S100A2: variants seen among roughly 807,000 people sequenced by gnomAD.
S100A2 encodes the protein protein S100-A2.
Under a neutral mutation model 4.3 loss-of-function variants are expected in S100A2, and 5 were observed. The ratio of observed to expected loss-of-function variants is 1.16; its 90% CI spans 0.61 to 2.44. The LOEUF is 2.44. S100A2 is among the 30% of genes most tolerant of loss of function. The pLI is 0.01. For missense variants in S100A2, 103 were observed against 114.7 expected (o/e 0.90, Z 0.47); for synonymous variants, 44 against 46.0 (o/e 0.96, Z 0.17).
chr1:153,565,355 G>A (rs1364379291), intron 1 of S100A2, among the ~76,000 whole-genome samples, 151 bp downstream of exon 1: 1 of 147,850 alleles, frequency 6.8e-6, no homozygotes, highest in Non-Finnish European at 1.5e-5. Flanking sequence ...CAACACTTCA[G>A]CACTTCACAG....
chr1:153,561,552 T>C lies in S100A2; in HGVS notation c.184A>G (p.Ser62Gly). The change falls in exon 3 of 3, where the codon AGC becomes GGC. Residue 62 changes from serine (S) to glycine (G), a missense_variant. By Grantham distance (56) the Ser-to-Gly change is moderately conservative. Transcript: ENST00000368708. ...DEEGLKKLMG[S>G]LDENSDQQVD... ...TGCTGGTCACTGTTCTCATCCAGGC[T>C]GCCCATCAGCTTCTTCAGCCCCTCC... is the stretch of plus-strand genomic sequence containing the variant. 11 of 1,614,178 alleles carry C rather than the reference T, an allele frequency of 6.8e-6. No homozygotes were observed. Among genetic ancestry groups the C allele is most frequent in the Non-Finnish European group, 9.3e-6 (11 of 1,180,030 alleles).
Position 153,563,538 on chromosome 1 carries a change from T to C in S100A2, c.144+196A>G, listed in dbSNP as rs112282443. ...CACAGCACATGGTTCTCTGGAATGC[T>C]GCAGGAAACAGCCATTAATTAAGCA... On this transcript the variant is annotated intron_variant, in intron 2 of 2. Transcript: ENST00000368708. 4.3e-5 allele frequency: 67 copies of C among 1,551,180 alleles called. No homozygotes were observed. In the African/African-American group the frequency reaches 7.5e-4, roughly 17 times the overall value.
At position 153,561,237 on chromosome 1, in the gene S100A2, C is replaced by A; in HGVS notation, c.*202G>T. Reference sequence around the variant, plus strand: ...ATAGCTCTGGCCTTGGAGAGATTTCCAGGAGAGTCAGAGCCCAGAAGGGAG... The same window carrying A: ...ATAGCTCTGGCCTTGGAGAGATTTCAAGGAGAGTCAGAGCCCAGAAGGGAG... On this transcript the variant is annotated 3_prime_UTR_variant, in exon 3 of 3. Coordinates refer to ENST00000368708, the MANE Select transcript of S100A2 (RefSeq NM_005978.4). 1 of 538,608 alleles carries A rather than the reference C, an allele frequency of 1.9e-6. No homozygotes were observed. Among genetic ancestry groups the A allele is most frequent in the Non-Finnish European group, 3.2e-6 (1 of 317,206 alleles). The allele number at this position is 538,608 out of a possible 1,614,324, so 33.4% of individuals were successfully genotyped here.
At chr1:153,563,661 G>A in intron 2 of S100A2, 73 bp downstream of exon 2, 1 of 1,588,248 alleles carries the variant, frequency 6.3e-7, no homozygotes, top group Non-Finnish European at 8.6e-7. Flanking sequence ...CAGGCACCCG[G>A]AACTGGGGGA....
At chr1:153,562,757 G>A (rs186223444) in intron 2 of S100A2, among the ~76,000 whole-genome samples, 205 of 152,196 alleles carry the variant, frequency 1.3e-3, no homozygotes, top group Non-Finnish European at 2.4e-3. Context: ...TTGGGAGGCC[G>A]AGGTGGGAGG....
chr1:153,563,305 G>A, intron 2 of S100A2: 1 of 1,108,732 alleles, frequency 9.0e-7, no homozygotes, highest in Non-Finnish European at 1.3e-6. Context: ...CCTGGAGGCA[G>A]AGGTTGCAGT....
Position 153,561,459 on chromosome 1 carries a change from C to G in S100A2, c.277G>C (p.Gly93Arg), listed in dbSNP as rs1665892867. The G allele has an allele frequency of 6.2e-7, 1 of 1,613,970 alleles. No individual in the cohort carries two copies. Among genetic ancestry groups the G allele is most frequent in the Non-Finnish European group, 8.5e-7 (1 of 1,179,988 alleles). ...ITVMCNDFFQ[G>R]CPDRP is the part of the protein sequence containing the mutation. ...CTGCTTCAGGGTCGGTCTGGGCAGC[C>G]CTGGAAGAAGTCATTGCACATGACA... is the stretch of plus-strand genomic sequence containing the variant. The change falls in exon 3 of 3, where the codon GGC becomes CGC. Residue 93 changes from glycine to arginine, a missense_variant. Physicochemically the swap from Gly to Arg is moderately radical, Grantham distance 125. Coordinates refer to ENST00000368708, the MANE Select transcript of S100A2 (RefSeq NM_005978.4).
intron 1 of S100A2, 88 bp from the exon 2 acceptor site, chr1:153,563,975 A>T (rs1257978389): frequency 3.0e-6 from 4 of 1,353,766 alleles, no homozygotes; most frequent in African/African-American, 1.5e-5. Context: ...CTATGCCCCC[A>T]AGCCACCTCA....
rs1333438057 is a variant in S100A2, at chr1:153,561,671, C to T, written c.145-80G>A. On this transcript the variant is annotated intron_variant, in intron 2 of 2. Coordinates refer to ENST00000368708, the MANE Select transcript of S100A2 (RefSeq NM_005978.4). The stretch of plus-strand genomic sequence containing the variant: ...CCAAACACCCAGACCCTCACACATT[C>T]AGGTTGGTTCCCAGCTCTCCCTCCC... 6 of 1,605,042 alleles carry T rather than the reference C, an allele frequency of 3.7e-6. No homozygotes were observed. In the Middle Eastern group the frequency reaches 6.0e-4, roughly 161 times the overall value.
At chr1:153,563,453 T>G in intron 2 of S100A2, 1 of 1,550,428 alleles carries the variant, frequency 6.4e-7, no homozygotes, top group Non-Finnish European at 8.7e-7. Flanking sequence ...TTTTCCCTTC[T>G]GGGCTCTGGT....
intron 1 of S100A2, chr1:153,564,231 C>T (rs983419922): frequency 7.3e-5 from 15 of 205,618 alleles, no homozygotes; most frequent in East Asian, 5.0e-4. Flanking sequence ...ATGGCATCTG[C>T]GCAGGCTCTG....
Position 153,561,400 on chromosome 1 carries a change from G to C in S100A2, c.*39C>G. On this transcript the variant is annotated 3_prime_UTR_variant, in exon 3 of 3. Coordinates refer to ENST00000368708, the MANE Select transcript of S100A2 (RefSeq NM_005978.4). ...AAACTCAAAGGCATCAACAGTCCTGGGCCCAAGAGATCCATGGCAGGAAGT... is the reference window on the plus strand; with the variant it reads ...AAACTCAAAGGCATCAACAGTCCTGCGCCCAAGAGATCCATGGCAGGAAGT... The C allele has an allele frequency of 6.2e-7, 1 of 1,601,166 alleles. No homozygotes were observed. The highest frequency in any genetic ancestry group is 8.5e-7 in the Non-Finnish European group (1 of 1,170,910).
chr1:153,561,515 T>C lies in S100A2; in HGVS notation c.221A>G (p.Gln74Arg). The change falls in exon 3 of 3, where the codon CAG becomes CGG. Residue 74 changes from glutamine (Q) to arginine (R), a missense_variant. By Grantham distance (43) the Gln-to-Arg change is conservative. Transcript: ENST00000368708. ...DENSDQQVDF[Q>R]EYAVFLALIT... The stretch of plus-strand genomic sequence containing the variant: ...GAGTGCCAGGAAAACAGCATACTCC[T>C]GGAAGTCCACCTGCTGGTCACTGTT... 1 of 1,614,204 alleles carries C rather than the reference T, an allele frequency of 6.2e-7. No individual in the cohort carries two copies. Among genetic ancestry groups the C allele is most frequent in the South Asian group, 1.1e-5 (1 of 91,080 alleles).
intron 1 of S100A2, 128 bp from the exon 2 acceptor site, chr1:153,564,015 G>A (rs187244873): frequency 8.7e-6 from 8 of 923,398 alleles, no homozygotes; most frequent in Non-Finnish European, 9.5e-6. Context: ...GGAAGGCAGG[G>A]GCTGCATCTC....
At chr1:153,564,479 C>A (rs1665964415) in intron 1 of S100A2, among the ~76,000 whole-genome samples, 1 of 152,208 alleles carries the variant, frequency 6.6e-6, no homozygotes, top group Non-Finnish European at 1.5e-5. Flanking sequence ...TCTCCCCTCA[C>A]CCTGAAGGCC....
In S100A2 at chr1:153,563,809, T is replaced by C; in HGVS notation, c.69A>G (p.Gln23=). The C allele has an allele frequency of 6.2e-7, 1 of 1,614,232 alleles. No homozygotes were observed. Among genetic ancestry groups the C allele is most frequent in the Non-Finnish European group, 8.5e-7 (1 of 1,180,032 alleles). The stretch of plus-strand genomic sequence containing the variant: ...TACTCAGCTTGAACTTGTCGCCCTC[T>C]TGGCAGGAGTACTTGTGGAAGGTAG... ...LVTTFHKYSC[Q]EGDKFKLSKG... The change falls in exon 2 of 3, where the codon CAA becomes CAG. Residue 23 remains glutamine (Q), a synonymous_variant. Transcript: ENST00000368708.
intron 2 of S100A2, chr1:153,563,411 G>A (rs775724160): frequency 4.1e-5 from 63 of 1,547,854 alleles, no homozygotes; most frequent in East Asian, 9.8e-5. Flanking sequence ...GAGAGAGAAC[G>A]TGCCAGTGCT....
At chr1:153,563,551 CATTA>C in intron 2 of S100A2, 179 bp downstream of exon 2, 1 of 1,551,444 alleles carries the variant, frequency 6.4e-7, no homozygotes, top group Non-Finnish European at 8.7e-7. Context: ...AGGAAACAGC[CATTA>C]ATTAAGCACT....
chr1:153,561,836 C>T (rs1665901362), intron 2 of S100A2, among the ~76,000 whole-genome samples: 1 of 152,262 alleles, frequency 6.6e-6, no homozygotes, highest in Admixed American at 6.5e-5. Context: ...ACACTGGATG[C>T]TCCTCTGAGC....
Sources: gnomAD v4.1 joint callset for allele counts (sites outside exome capture counted in the v4.1 genomes callset) on GRCh38, gnomAD v4.1.1 for gene constraint, MANE v1.5 for transcripts, NCBI Gene and HGNC (gene_info 2026-07-23, HGNC 2026-07-21) for gene names.